GPD1L: variants seen among roughly 807,000 people sequenced by gnomAD.
GPD1L encodes glycerol-3-phosphate dehydrogenase 1 like.
Under a neutral mutation model 32.9 loss-of-function variants are expected in GPD1L, and 17 were observed. The ratio of observed to expected loss-of-function variants is 0.52; its 90% CI spans 0.35 to 0.78. The LOEUF is 0.78. Among genes scored for constraint, GPD1L ranks in the 30% least tolerant of loss-of-function variants. The pLI is 0.01. For missense variants in GPD1L, 361 were observed against 447.8 expected (o/e 0.81, Z 1.75); for synonymous variants, 187 against 165.9 (o/e 1.13, Z -0.98).
Position 32,106,796 on chromosome 3 carries a change from C to G in GPD1L, c.47+38C>G, listed in dbSNP as rs776476713. ...GGGCTGGAGGCCGGGGCTCCGCTTC[C>G]AGGAAGCGCCTCTCCCGGGCGGTGA... is the stretch of plus-strand genomic sequence containing the variant. On this transcript the variant is annotated intron_variant, in intron 1 of 7. Transcript: ENST00000282541. This position sits in a 1 kb window ranked among gnomAD's most constrained non-coding sequence, Gnocchi z 4.0. 25 of 1,540,486 alleles carry G rather than the reference C, an allele frequency of 1.6e-5. 1 individual carries two copies. The South Asian group carries it at 3.0e-4, about 19-fold the overall frequency.
At chr3:32,117,828 A>G (rs1700354270) in intron 1 of GPD1L, among the ~76,000 whole-genome samples, 1 of 152,142 alleles carries the variant, frequency 6.6e-6, no homozygotes, top group South Asian at 2.1e-4. Flanking sequence ...TGTTCTCCTG[A>G]GTGGGCAGGT....
intron 2 of GPD1L, among the ~76,000 whole-genome samples, chr3:32,136,944 G>A (rs917023718): frequency 1.3e-5 from 2 of 152,212 alleles, no homozygotes; most frequent in African/African-American, 4.8e-5. Context: ...ATCCAACAAT[G>A]AGAACTTGGT....
At chr3:32,114,997 A>G (rs1038179156) in intron 1 of GPD1L, among the ~76,000 whole-genome samples, 1 of 152,236 alleles carries the variant, frequency 6.6e-6, no homozygotes, top group Admixed American at 6.5e-5. Flanking sequence ...GAGCAGCAGC[A>G]AGATTTATTG....
chr3:32,134,904 G>A (rs1700643185), intron 2 of GPD1L, among the ~76,000 whole-genome samples: 1 of 152,192 alleles, frequency 6.6e-6, no homozygotes, highest in South Asian at 2.1e-4. Context: ...GGTCTTTGTA[G>A]TTTCAAAACA....
At chr3:32,134,573 A>G (rs1700635182) in intron 2 of GPD1L, among the ~76,000 whole-genome samples, 2 of 152,226 alleles carry the variant, frequency 1.3e-5, no homozygotes, top group African/African-American at 2.4e-5. Context: ...TGCAGCCTCG[A>G]CCTCCTGGGC....
chr3:32,155,743 C>T, intron 5 of GPD1L, among the ~76,000 whole-genome samples: 1 of 152,168 alleles, frequency 6.6e-6, no homozygotes. Context: ...GTGCAGGCTA[C>T]AATTGCACCA....
intron 7 of GPD1L, among the ~76,000 whole-genome samples, chr3:32,160,401 G>T (rs1203816002): frequency 1.4e-5 from 1 of 69,214 alleles, no homozygotes; most frequent in Non-Finnish European, 2.5e-5. Context: ...TGGGTGCATG[G>T]GTGGATGGGT....
chr3:32,119,489 A>G (rs1253924706), intron 1 of GPD1L, among the ~76,000 whole-genome samples: 1 of 152,148 alleles, frequency 6.6e-6, no homozygotes, highest in Non-Finnish European at 1.5e-5. Context: ...GTTCATATTG[A>G]TCTTTTTTCC....
rs768240908 is a variant in GPD1L at position 32,167,955 on chromosome 3, T to C, written c.*2045T>C. 2 of 152,204 alleles carry C rather than the reference T, an allele frequency of 1.3e-5. No homozygotes were observed. The highest frequency in any genetic ancestry group is 2.9e-5 in the Non-Finnish European group (2 of 68,038). 9.4% of individuals were successfully genotyped at this position (152,204 alleles called of 1,614,324 possible). A position where few individuals can be genotyped will look rare whatever the true frequency, so the allele number is the denominator to read the frequency against. On this transcript the variant is annotated 3_prime_UTR_variant, in exon 8 of 8. Transcript: ENST00000282541. ...CATGAAAAATCTTTGTTAAAGTTTG[T>C]ACACAGGTAACAAAAAGTTACTTTA...
At position 32,166,077 on chromosome 3, in the gene GPD1L, A is replaced by G. The variant is rs953042629; in HGVS notation, c.*167A>G. ...AATTGTGAGAGGCAGTTCATTAGCA[A>G]AGATGTACTGGGCAGTAACTAAACA... On this transcript the variant is annotated 3_prime_UTR_variant, in exon 8 of 8. Transcript: ENST00000282541. 6.0e-6 allele frequency: 4 copies of G among 671,038 alleles called. No individual in the cohort carries two copies. The highest frequency in any genetic ancestry group is 1.1e-5 in the Non-Finnish European group (4 of 366,428). 41.6% of individuals were successfully genotyped at this position (671,038 alleles called of 1,614,324 possible). A position where few individuals can be genotyped will look rare whatever the true frequency, so the allele number is the denominator to read the frequency against.
At chr3:32,107,059 C>T (rs1191865013) in intron 1 of GPD1L, among the ~76,000 whole-genome samples, 1 of 152,222 alleles carries the variant, frequency 6.6e-6, no homozygotes, top group African/African-American at 2.4e-5. Context: ...CTGCTTGCCA[C>T]GCCTGGGTGT....
At chr3:32,111,347 A>G (rs1700243273) in intron 1 of GPD1L, among the ~76,000 whole-genome samples, 1 of 152,194 alleles carries the variant, frequency 6.6e-6, no homozygotes, top group Non-Finnish European at 1.5e-5. Flanking sequence ...TATAAGAAAG[A>G]GCTTGGGAAT....
At chr3:32,145,619 T>C (rs1176431831) in intron 4 of GPD1L, among the ~76,000 whole-genome samples, 1 of 152,084 alleles carries the variant, frequency 6.6e-6, no homozygotes, top group Non-Finnish European at 1.5e-5. Context: ...GCATGCTTCA[T>C]GTTGGAGGCA....
At chr3:32,145,185 G>A (rs1250505676) in intron 4 of GPD1L, among the ~76,000 whole-genome samples, 1 of 151,996 alleles carries the variant, frequency 6.6e-6, no homozygotes. Flanking sequence ...CGAGTATGGT[G>A]GCGCATGCCT....
chr3:32,107,874 A>G (rs1009911326), intron 1 of GPD1L, among the ~76,000 whole-genome samples: 6 of 152,096 alleles, frequency 3.9e-5, no homozygotes, highest in East Asian at 1.9e-4. Flanking sequence ...CTGTCTCCCA[A>G]CTTTTGAGAA....
intron 5 of GPD1L, among the ~76,000 whole-genome samples, chr3:32,156,909 G>A (rs1287703602): frequency 1.3e-5 from 2 of 151,002 alleles, no homozygotes; most frequent in Non-Finnish European, 2.9e-5. Flanking sequence ...CCCAAACTAA[G>A]TTCATGTTTT....
At chr3:32,129,543 G>C (rs1700557878) in intron 2 of GPD1L, among the ~76,000 whole-genome samples, 1 of 152,202 alleles carries the variant, frequency 6.6e-6, no homozygotes, top group Non-Finnish European at 1.5e-5. Flanking sequence ...AAGACTCAAA[G>C]AGGCTAATGA....
chr3:32,130,276 TGATA>T lies in GPD1L; in HGVS notation c.225+2027_225+2030del, dbSNP rs75359287. Among the ~76,000 whole-genome samples, 3,683 of 152,222 alleles carry T rather than the reference TGATA, an allele frequency of 0.024. 294 individuals are homozygous for T. The East Asian group carries it at 0.26, about 11-fold the overall frequency. ...TCACTCCCAGAACCCTGTTGTTGTC[TGATA>T]GATCTCTCAAACCTATTCTTCCTGT... On this transcript the variant is annotated intron_variant, in intron 2 of 7. Transcript: ENST00000282541.
At chr3:32,154,896 T>A (rs1700966556) in intron 5 of GPD1L, among the ~76,000 whole-genome samples, 1 of 152,006 alleles carries the variant, frequency 6.6e-6, no homozygotes, top group Non-Finnish European at 1.5e-5. Context: ...GAAAGGTGCA[T>A]GCCACCATGC....
Sources: gnomAD v4.1 joint callset for allele counts (sites outside exome capture counted in the v4.1 genomes callset) on GRCh38, gnomAD v4.1.1 for gene constraint, Gnocchi (gnomAD v3.1) non-coding constraint, MANE v1.5 for transcripts, NCBI Gene and HGNC (gene_info 2026-07-23, HGNC 2026-07-21) for gene names.